Variants in TRNT1 observed in about 807,000 individuals in gnomAD.
TRNT1 encodes CCA tRNA nucleotidyltransferase 1, mitochondrial.
In TRNT1, 44 loss-of-function variants were observed where a neutral mutation model predicts 45.6. The observed-to-expected ratio is 0.97, with a 90% confidence interval of 0.76 to 1.24. TRNT1 has a LOEUF of 1.24. TRNT1 is among the 50% of genes most tolerant of loss of function. The pLI is 0.00. For missense variants in TRNT1, 633 were observed against 504.4 expected, an observed-to-expected ratio of 1.25 and a Z score of -2.44; for synonymous variants, 201 against 171.4, an observed-to-expected ratio of 1.17 and a Z score of -1.35.
rs1424749713 is a variant in TRNT1, at chr3:3,140,520, A to C, written c.353A>C (p.Glu118Ala). The change falls in exon 4 of 8, where the codon GAA (glutamate) becomes GCA (alanine). Residue 118 changes from glutamate to alanine, a missense_variant. By Grantham distance (107) the Glu-to-Ala change is moderately radical (BLOSUM62 -1). Coordinates refer to ENST00000251607, the MANE Select transcript of TRNT1 (RefSeq NM_182916.3). ...TGTATTTAATTGCAGCTTCATGAAG[A>C]AAATTTTGAGATTACTACACTACGG... ...HGTITARLHEENFEITTLRID... is the reference protein window; with the variant it reads ...HGTITARLHEANFEITTLRID... 17 of 1,612,122 alleles carry C rather than the reference A, an allele frequency of 1.1e-5. No individual in the cohort carries two copies. The highest frequency in any genetic ancestry group is 1.4e-5 in the Non-Finnish European group (16 of 1,179,158).
At chr3:3,127,287 G>T (rs193122721) in intron 1 of TRNT1, 1 of 152,334 alleles carries the variant, frequency 6.6e-6, no homozygotes, top group African/African-American at 2.4e-5. Context: ...CCCGGCGTGG[G>T]GGGTGAGACG....
At chr3:3,130,165 G>A in intron 2 of TRNT1, 1 of 590,170 alleles carries the variant, frequency 1.7e-6, no homozygotes, top group South Asian at 2.0e-5. Context: ...AATATATTTA[G>A]TAGTATATGT....
At chr3:3,152,167 A>C (rs184427776), downstream of TRNT1, among the ~76,000 whole-genome samples, 69 of 67,956 alleles carry the variant, frequency 1.0e-3, no homozygotes, top group East Asian at 0.014. Context: ...TTTTTTTTTA[A>C]ATAGACAGAT....
intron 2 of TRNT1, among the ~76,000 whole-genome samples, chr3:3,134,962 T>A (rs4054767): frequency 0.055 from 8,395 of 152,154 alleles, 363 homozygotes; most frequent in African/African-American, 0.13. Context: ...AGCTAGATCA[T>A]TGTTTTCCAA....
intron 3 of TRNT1, among the ~76,000 whole-genome samples, 200 bp from the exon 4 acceptor site, chr3:3,140,309 AT>A (rs2126022538): frequency 6.6e-6 from 1 of 152,332 alleles, no homozygotes; most frequent in South Asian, 2.1e-4. Flanking sequence ...TTTTAAAAAA[AT>A]CAGTCTTTTG....
At chr3:3,136,795 C>A (rs1048137825) in intron 2 of TRNT1, 1 of 355,968 alleles carries the variant, frequency 2.8e-6, no homozygotes, top group African/African-American at 2.2e-5. Context: ...GCTGGGACTA[C>A]AGGTGTGCGC....
chr3:3,127,864 G>A lies in TRNT1; in HGVS notation c.-28+874G>A, dbSNP rs145837115. ...TGCTCCCCGACCAAACCACCAAACC[G>A]AGGGTTGGGCTGCTTATTCTCGCTG... On this transcript the variant is annotated intron_variant, in intron 1 of 7. Transcript: ENST00000251607. The A allele has an allele frequency of 3.3e-5, 5 of 152,288 alleles. No homozygotes were observed. In the East Asian group the frequency reaches 9.7e-4, roughly 29 times the overall value. The allele number at this position is 152,288 out of a possible 1,614,324, so 9.4% of individuals were successfully genotyped here. A position where few individuals can be genotyped will look rare whatever the true frequency, so the allele number is the denominator to read the frequency against.
chr3:3,144,444 T>C lies in TRNT1; in HGVS notation c.482-140T>C, dbSNP rs2126030736. ...ATTGTCTTCCATTTGATAGTTGATA[T>C]GTATGAATACGTATGTGTTTTAATA... On this transcript the variant is annotated intron_variant, in intron 4 of 7. Coordinates refer to ENST00000251607, the MANE Select transcript of TRNT1 (RefSeq NM_182916.3). 1.1e-5 allele frequency: 8 copies of C among 719,782 alleles called. No individual in the cohort carries two copies. In the Middle Eastern group the frequency reaches 1.9e-3, roughly 171 times the overall value. The allele number at this position is 719,782 out of a possible 1,614,324, so 44.6% of individuals were successfully genotyped here. A position where few individuals can be genotyped will look rare whatever the true frequency, so the allele number is the denominator to read the frequency against.
At chr3:3,153,294 T>C (rs1559242206), downstream of TRNT1, 4 of 636,320 alleles carry the variant, frequency 6.3e-6, no homozygotes, top group Non-Finnish European at 1.1e-5. Context: ...AGTGAGCTAA[T>C]TCCCTATATT....
At chr3:3,132,726 T>G (rs1705084404) in intron 2 of TRNT1, among the ~76,000 whole-genome samples, 1 of 115,392 alleles carries the variant, frequency 8.7e-6, no homozygotes, top group Non-Finnish European at 1.7e-5. Context: ...ATATACCTAT[T>G]GAAGGAAAAA....
chr3:3,152,416 A>C, downstream of TRNT1: 1 of 1,584,594 alleles, frequency 6.3e-7, no homozygotes, highest in Non-Finnish European at 8.5e-7. Context: ...CAATTAAGGT[A>C]AAAAAAGAAA....
downstream of TRNT1, among the ~76,000 whole-genome samples, chr3:3,151,978 A>G (rs941165783): frequency 6.6e-6 from 1 of 152,148 alleles, no homozygotes; most frequent in Non-Finnish European, 1.5e-5. Context: ...AAGACAGCTG[A>G]TTTTCAGAAT....
intron 5 of TRNT1, chr3:3,145,495 TCC>T (rs1305763776): frequency 1.2e-5 from 1 of 85,638 alleles, no homozygotes; most frequent in Non-Finnish European, 2.2e-5. Context: ...AGAGCGAGAC[TCC>T]ATCTCAAAAA....
intron 2 of TRNT1, among the ~76,000 whole-genome samples, chr3:3,133,922 A>G (rs62228608): frequency 0.021 from 3,192 of 152,252 alleles, 104 homozygotes; most frequent in African/African-American, 0.066. Flanking sequence ...GAAGACGTTC[A>G]TGAAAATTTA....
At position 3,144,667 on chromosome 3, in the gene TRNT1, CAG is replaced by C. The variant is rs1289523507; in HGVS notation, c.569_570del (p.Arg190AsnfsTer7). On this transcript the variant is annotated frameshift_variant, in exon 5 of 8. Transcript: ENST00000251607. LOFTEE classifies it high-confidence loss of function. ...AGTTAGATTTGTTGGACATGCTAAA[CAG>C]AGAATACAAGAGGATTATCTTAGAA... Reference protein sequence around the residue: ...KKVRFVGHAKQRIQEDYLRIL... With the variant: ...KKVRFVGHAKXRIQEDYLRIL... 11 of 1,572,664 alleles carry C rather than the reference CAG, an allele frequency of 7.0e-6. No individual in the cohort carries two copies. The highest frequency in any genetic ancestry group is 6.8e-5 in the South Asian group (6 of 88,006).
At position 3,148,304 on chromosome 3, in the gene TRNT1, T is replaced by G; in HGVS notation, c.*150T>G. 1.3e-6 allele frequency: 1 copy of G among 750,662 alleles called. No individual in the cohort carries two copies. 46.5% of individuals were successfully genotyped at this position (750,662 alleles called of 1,614,324 possible). A position where few individuals can be genotyped will look rare whatever the true frequency, so the allele number is the denominator to read the frequency against. On this transcript the variant is annotated 3_prime_UTR_variant, in exon 8 of 8. Coordinates refer to ENST00000251607, the MANE Select transcript of TRNT1 (RefSeq NM_182916.3). ...AGGGTCTTATTTTGTGAATTATATA[T>G]TTCAAGAACTAAACAGAGATCCACC...
chr3:3,143,191 T>G (rs1435761422), intron 4 of TRNT1, among the ~76,000 whole-genome samples: 1 of 152,158 alleles, frequency 6.6e-6, no homozygotes, highest in Non-Finnish European at 1.5e-5. Flanking sequence ...CTTTTTCTAT[T>G]TTTTTAAGTC....
intron 2 of TRNT1, among the ~76,000 whole-genome samples, chr3:3,135,046 T>C (rs1459352050): frequency 2.0e-5 from 3 of 151,886 alleles, no homozygotes; most frequent in Non-Finnish European, 2.9e-5. Context: ...AAAGAGAGAA[T>C]AGAATAGATT....
chr3:3,147,777 A>T (rs1289350449), intron 7 of TRNT1, 74 bp downstream of exon 7: 2 of 1,524,348 alleles, frequency 1.3e-6, no homozygotes, highest in African/African-American at 1.4e-5. Context: ...TAAAACTAAG[A>T]TCTACAAATC....
Sources: gnomAD v4.1 joint callset for allele counts (sites outside exome capture counted in the v4.1 genomes callset) on GRCh38, gnomAD v4.1.1 for gene constraint, MANE v1.5 for transcripts, NCBI Gene and HGNC (gene_info 2026-07-23, HGNC 2026-07-21) for gene names.